ABR: variants seen among roughly 807,000 people sequenced by gnomAD.
ABR encodes the protein active breakpoint cluster region-related protein.
Under a neutral mutation model 107.2 loss-of-function variants are expected in ABR, and 35 were observed. The ratio of observed to expected loss-of-function variants is 0.33; its 90% CI spans 0.25 to 0.43. ABR has a LOEUF of 0.43. Among genes scored for constraint, ABR ranks in the 20% least tolerant of loss-of-function variants. The probability of loss-of-function intolerance (pLI) is 1.00; values close to 1 mark genes in which losing one functional copy is unlikely to be tolerated. For missense variants in ABR, 815 were observed against 1,115.2 expected (o/e 0.73, Z 3.83); for synonymous variants, 498 against 462.0 (o/e 1.08, Z -1.00).
chr17:1,166,426 G>A (rs879458539), intron 1 of ABR, among the ~76,000 whole-genome samples: 1 of 152,122 alleles, frequency 6.6e-6, no homozygotes, highest in Non-Finnish European at 1.5e-5. Context: ...CGTGCAAAAG[G>A]CACCACACTA....
At chr17:1,007,380 G>T in intron 21 of ABR, 68 bp from the exon 22 acceptor site, 1 of 1,588,954 alleles carries the variant, frequency 6.3e-7, no homozygotes, top group Non-Finnish European at 8.6e-7. Flanking sequence ...CAGGACCCTT[G>T]GCCTTCGCTG....
chr17:1,046,287 G>A (rs147082072), intron 16 of ABR, among the ~76,000 whole-genome samples: 1,601 of 117,284 alleles, frequency 0.014, 20 homozygotes, highest in African/African-American at 0.044. Context: ...TACAGGCGTG[G>A]GCCCCACACC....
chr17:1,177,059 C>T (rs1268344771), intron 1 of ABR, among the ~76,000 whole-genome samples: 1 of 152,038 alleles, frequency 6.6e-6, no homozygotes, highest in Non-Finnish European at 1.5e-5. Context: ...TGGGTATACC[C>T]CCTTTACAGT....
intron 5 of ABR, among the ~76,000 whole-genome samples, 172 bp from the exon 6 acceptor site, chr17:1,079,562 G>A (rs1240515423): frequency 7.2e-5 from 11 of 152,104 alleles, no homozygotes; most frequent in African/African-American, 2.4e-4. Flanking sequence ...GCCGTGGTGG[G>A]CGGATCACCT....
At chr17:1,130,765 A>G (rs2039788806) in intron 1 of ABR, among the ~76,000 whole-genome samples, 1 of 152,204 alleles carries the variant, frequency 6.6e-6, no homozygotes, top group Non-Finnish European at 1.5e-5. Context: ...CTATGGAAAG[A>G]GAAAGGGGGA....
intron 3 of ABR, among the ~76,000 whole-genome samples, chr17:1,094,729 C>T (rs372585432): frequency 3.3e-4 from 51 of 152,260 alleles, no homozygotes; most frequent in African/African-American, 9.6e-4. Context: ...TGACTATGGA[C>T]GATGCGACTG....
Position 1,078,928 on chromosome 17 carries a change from C to T in ABR, c.700+402G>A. Reference sequence around the variant, plus strand: ...AGGCTCCCCGGCGCCCACCAGCAGCCCGGCCACTCAGCCACCTTGCTGATG... The same window carrying T: ...AGGCTCCCCGGCGCCCACCAGCAGCTCGGCCACTCAGCCACCTTGCTGATG... On this transcript the variant is annotated intron_variant, in intron 6 of 22. Transcript: ENST00000302538. The surrounding 1 kb of genome is among the most constrained non-coding windows in gnomAD (Gnocchi z 7.5). The T allele has an allele frequency of 2.6e-6, 4 of 1,531,180 alleles. No homozygotes were observed. The highest frequency in any genetic ancestry group is 3.5e-6 in the Non-Finnish European group (4 of 1,144,124). 94.8% of individuals were successfully genotyped at this position (1,531,180 alleles called of 1,614,324 possible).
intron 1 of ABR, among the ~76,000 whole-genome samples, chr17:1,209,906 G>T (rs1477195675): frequency 6.6e-6 from 1 of 152,098 alleles, no homozygotes; most frequent in Non-Finnish European, 1.5e-5. Flanking sequence ...GGTATCCCCA[G>T]TTATTTACAA....
chr17:1,212,899 A>G (rs1258659663), intron 1 of ABR, among the ~76,000 whole-genome samples: 1 of 150,908 alleles, frequency 6.6e-6, no homozygotes, highest in African/African-American at 2.5e-5. Flanking sequence ...AAAAAAAAAA[A>G]GAGAGAGAGA....
intron 10 of ABR, among the ~76,000 whole-genome samples, chr17:1,065,506 A>T (rs1446880911): frequency 1.4e-5 from 2 of 140,526 alleles, no homozygotes; most frequent in African/African-American, 2.6e-5. Flanking sequence ...ACTGAGGGCT[A>T]TGCATGTTCC....
At position 1,029,160 on chromosome 17, in the gene ABR, T is replaced by C. The variant is rs371059119; in HGVS notation, c.1792-15996A>G. Among the ~76,000 whole-genome samples the C allele has an allele frequency of 1.3e-4, 20 of 149,382 alleles. No individual in the cohort carries two copies. The East Asian group carries it at 2.6e-3, about 19-fold the overall frequency. On this transcript the variant is annotated intron_variant, in intron 16 of 22. Transcript: ENST00000302538. ...AGAAAAGTAGAAACGCGAAGTTCAATACCGAGAGCCCTGGCTGAACCCACA... is the reference window on the plus strand; with the variant it reads ...AGAAAAGTAGAAACGCGAAGTTCAACACCGAGAGCCCTGGCTGAACCCACA...
intron 2 of ABR, among the ~76,000 whole-genome samples, chr17:1,105,733 C>CGT (rs1051219192): frequency 6.6e-6 from 1 of 151,982 alleles, no homozygotes; most frequent in Admixed American, 6.6e-5. Context: ...ATTAGCCCAA[C>CGT]GTGGTGGCAT....
In ABR at chr17:1,179,531, CCGCGCT is replaced by C. The variant is rs2042046083; in HGVS notation, c.61+130_61+135del. 2.1e-6 allele frequency: 2 copies of C among 955,062 alleles called. No individual in the cohort carries two copies. The highest frequency in any genetic ancestry group is 2.8e-6 in the Non-Finnish European group (2 of 704,726). 59.2% of individuals were successfully genotyped at this position (955,062 alleles called of 1,614,324 possible). On this transcript the variant is annotated intron_variant, in intron 1 of 22. Transcript: ENST00000302538. This position sits in a 1 kb window ranked among gnomAD's most constrained non-coding sequence, Gnocchi z 4.9. The stretch of plus-strand genomic sequence containing the variant: ...ATCCGGACCCCGATCTCGCCCCCGC[CCGCGCT>C]CCCCGGACCAGCCCGGTGCCTGGGT...
At position 1,091,722 on chromosome 17, in the gene ABR, G is replaced by A. The variant is rs35857113; in HGVS notation, c.474C>T (p.Cys158=). 9.9e-4 allele frequency: 1,602 copies of A among 1,614,188 alleles called. 5 individuals carry two copies. Among genetic ancestry groups the A allele is most frequent in the Admixed American group, 1.2e-3 (75 of 60,014 alleles). The change falls in exon 4 of 23, where the codon TGC becomes TGT. Residue 158 remains cysteine (C), a synonymous_variant. Coordinates refer to ENST00000302538, the MANE Select transcript of ABR (RefSeq NM_021962.5). Reference sequence around the variant, plus strand: ...GGCTGTCCCACTGTTGCACCTTGGGGCACAGGTTGTCATAGAACTCCTTGT... The same window carrying A: ...GGCTGTCCCACTGTTGCACCTTGGGACACAGGTTGTCATAGAACTCCTTGT... ...EIHKEFYDNL[C]PKVQQWDSQV...
chr17:1,060,158 C>T (rs1216734283), intron 10 of ABR, among the ~76,000 whole-genome samples: 1 of 152,212 alleles, frequency 6.6e-6, no homozygotes, highest in African/African-American at 2.4e-5. Context: ...CGCCTGTAAT[C>T]CCAGCACTTT....
At position 1,011,865 on chromosome 17, in the gene ABR, G is replaced by C. The variant is rs781279812; in HGVS notation, c.2082C>G (p.Leu694=). ...ACTCACTGGCATCGAAGACGGCCTT[G>C]AGCGCCTGGATGTCCGTGGCCACGC... The part of the protein sequence containing the change: ...ISGVATDIQA[L]KAVFDANNKD... The change falls in exon 19 of 23, where the codon CTC becomes CTG. Residue 694 remains leucine, a synonymous_variant. Coordinates refer to ENST00000302538, the MANE Select transcript of ABR (RefSeq NM_021962.5). This position sits in a 1 kb window ranked among gnomAD's most constrained non-coding sequence, Gnocchi z 4.8. 9.1e-5 allele frequency: 145 copies of C among 1,587,798 alleles called. No homozygotes were observed. In the South Asian group the frequency reaches 9.7e-4, roughly 11 times the overall value.
At chr17:1,124,556 C>T (rs957843629) in intron 2 of ABR, among the ~76,000 whole-genome samples, 6 of 152,264 alleles carry the variant, frequency 3.9e-5, no homozygotes, top group African/African-American at 1.4e-4. Flanking sequence ...ACGTTAATGA[C>T]AAGGACCGCA....
At chr17:1,215,812 C>T (rs1445498908) in intron 1 of ABR, among the ~76,000 whole-genome samples, 4 of 147,920 alleles carry the variant, frequency 2.7e-5, no homozygotes, top group East Asian at 4.0e-4. Context: ...ATAGGAGACT[C>T]CATTTTGTTC....
chr17:1,053,608 C>T (rs66794218), intron 14 of ABR, among the ~76,000 whole-genome samples: 32,802 of 152,096 alleles, frequency 0.22, 3,615 homozygotes, highest in Middle Eastern at 0.29. Context: ...GAGTTTACCA[C>T]GGCTGAAGAC....
Sources: allele counts gnomAD v4.1 joint callset (sites outside exome capture counted in the v4.1 genomes callset), GRCh38; gene constraint gnomAD v4.1.1; non-coding constraint Gnocchi (gnomAD v3.1); transcripts MANE v1.5; gene names NCBI Gene and HGNC (gene_info 2026-07-23, HGNC 2026-07-21).